Variants in CEP112 observed in about 807,000 individuals in gnomAD.
CEP112 encodes centrosomal protein 112.
Under a neutral mutation model 153.0 loss-of-function variants are expected in CEP112, and 127 were observed. The ratio of observed to expected loss-of-function variants is 0.83; its 90% confidence interval spans 0.72 to 0.96. The LOEUF (loss-of-function observed/expected upper bound fraction) is 0.96, where lower values mean the gene tolerates loss of function less well. Among genes scored for constraint, CEP112 ranks in the 40% least tolerant of loss-of-function variants. The pLI is 0.00. For synonymous variants in CEP112, 358 were observed against 374.4 expected (o/e 0.96, Z 0.51); for missense variants, 1,089 against 1,101.2 (o/e 0.99, Z 0.16).
At chr17:66,038,219 G>A (rs1043853753) in intron 12 of CEP112, among the ~76,000 whole-genome samples, 5 of 152,140 alleles carry the variant, frequency 3.3e-5, no homozygotes, top group African/African-American at 9.7e-5. Flanking sequence ...TTTCTCACAT[G>A]CAGATAAGTA....
chr17:65,713,633 A>C (rs963547720), intron 23 of CEP112, among the ~76,000 whole-genome samples: 5 of 151,944 alleles, frequency 3.3e-5, no homozygotes, highest in African/African-American at 1.2e-4. Context: ...GTCGCCCAGG[A>C]TGGAGTGCAG....
At chr17:65,857,162 C>T (rs1212450593) in intron 20 of CEP112, among the ~76,000 whole-genome samples, 1 of 152,090 alleles carries the variant, frequency 6.6e-6, no homozygotes, top group African/African-American at 2.4e-5. Context: ...TCTGGTTGGG[C>T]CAGTAAAGCC....
At chr17:65,862,772 C>A (rs1304412410) in intron 20 of CEP112, among the ~76,000 whole-genome samples, 1 of 152,002 alleles carries the variant, frequency 6.6e-6, no homozygotes, top group East Asian at 1.9e-4. Context: ...AAGAATGCTT[C>A]TAAAAGATAA....
chr17:66,033,553 C>CT (rs570401474), intron 12 of CEP112, among the ~76,000 whole-genome samples: 17 of 152,150 alleles, frequency 1.1e-4, no homozygotes, highest in Non-Finnish European at 2.4e-4. Context: ...GCCTCAAAGC[C>CT]TTTTCATTTA....
At chr17:65,735,123 T>C (rs1306225720) in intron 23 of CEP112, among the ~76,000 whole-genome samples, 1 of 152,200 alleles carries the variant, frequency 6.6e-6, no homozygotes, top group Non-Finnish European at 1.5e-5. Flanking sequence ...GCTGTCAGGC[T>C]CACAGTGGTG....
chr17:66,144,860 T>C (rs180715669), intron 4 of CEP112, among the ~76,000 whole-genome samples: 4 of 152,344 alleles, frequency 2.6e-5, no homozygotes, highest in Admixed American at 2.6e-4. Flanking sequence ...TGTGGACATA[T>C]GTTTTCATTT....
intron 4 of CEP112, among the ~76,000 whole-genome samples, chr17:66,164,854 C>CA (rs201821806): frequency 9.0e-5 from 13 of 145,016 alleles, no homozygotes; most frequent in South Asian, 2.2e-4. Flanking sequence ...AACTCCATCT[C>CA]AAAAAAAATA....
chr17:65,779,330 T>C (rs926438367), intron 21 of CEP112, among the ~76,000 whole-genome samples: 4 of 152,188 alleles, frequency 2.6e-5, no homozygotes, highest in African/African-American at 7.2e-5. Flanking sequence ...AAGCCCCTTC[T>C]TGAAAAGAGT....
At chr17:66,108,948 A>G (rs2068899389) in intron 6 of CEP112, among the ~76,000 whole-genome samples, 2 of 152,158 alleles carry the variant, frequency 1.3e-5, no homozygotes, top group South Asian at 4.1e-4. Context: ...AAAGAATGAG[A>G]TCCTGTCATT....
At chr17:66,152,712 G>C (rs958655803) in intron 4 of CEP112, among the ~76,000 whole-genome samples, 1 of 152,078 alleles carries the variant, frequency 6.6e-6, no homozygotes, top group Non-Finnish European at 1.5e-5. Flanking sequence ...TCAAACAAGA[G>C]GGCCTCTACA....
At chr17:65,822,146 TAC>T (rs2056621061) in intron 21 of CEP112, among the ~76,000 whole-genome samples, 1 of 152,026 alleles carries the variant, frequency 6.6e-6, no homozygotes, top group Non-Finnish European at 1.5e-5. Context: ...TAATGTAGTA[TAC>T]TACATCCTAC....
At chr17:65,746,253 A>C (rs1411477950) in intron 22 of CEP112, among the ~76,000 whole-genome samples, 6 of 151,902 alleles carry the variant, frequency 3.9e-5, no homozygotes, top group Non-Finnish European at 8.8e-5. Flanking sequence ...ATGTTCTAAG[A>C]AGGACGTGCT....
intron 4 of CEP112, among the ~76,000 whole-genome samples, chr17:66,155,692 A>G (rs1443021040): frequency 2.0e-5 from 3 of 152,140 alleles, no homozygotes; most frequent in Non-Finnish European, 4.4e-5. Context: ...TCGACCTGGG[A>G]TGCTTGAGCT....
intron 24 of CEP112, among the ~76,000 whole-genome samples, chr17:65,675,262 A>AT (rs1399502477): frequency 2.0e-5 from 3 of 152,224 alleles, no homozygotes; most frequent in Non-Finnish European, 4.4e-5. Flanking sequence ...TAAAAAAAGT[A>AT]TATCTATAAT....
At position 66,175,080 on chromosome 17, in the gene CEP112, T is replaced by C. The variant is rs764386570; in HGVS notation, c.434A>G (p.Asp145Gly). Residue 145 changes from aspartate (D) to glycine (G), a missense_variant, in exon 4 of 27, where the codon GAT (aspartate) becomes GGT (glycine). Coordinates refer to ENST00000535342, the MANE Select transcript of CEP112 (RefSeq NM_001199165.4). The part of the protein sequence containing the change: ...NESWKLSSGE[D>G]NTLVQSPTDV... The stretch of plus-strand genomic sequence containing the variant: ...AGTTGGCGACTGTACTAAAGTGTTA[T>C]CTTCTCCAGAAGAGAGTTTCCATGA... 3.2e-5 allele frequency: 51 copies of C among 1,612,424 alleles called. No homozygotes were observed. Among genetic ancestry groups the C allele is most frequent in the Non-Finnish European group, 4.0e-5 (47 of 1,179,290 alleles).
At chr17:65,690,833 T>C (rs1365751141) in intron 23 of CEP112, among the ~76,000 whole-genome samples, 1 of 152,160 alleles carries the variant, frequency 6.6e-6, no homozygotes, top group Admixed American at 6.5e-5. Context: ...ACGTGGAGTC[T>C]TGCAGGTCAA....
At chr17:66,177,833 C>G (rs1008485793) in intron 2 of CEP112, among the ~76,000 whole-genome samples, 1 of 152,166 alleles carries the variant, frequency 6.6e-6, no homozygotes, top group Non-Finnish European at 1.5e-5. Flanking sequence ...CTGTGCCCAG[C>G]TTATTTCACT....
At chr17:66,150,212 T>TC (rs1392971198) in intron 4 of CEP112, among the ~76,000 whole-genome samples, 1 of 150,164 alleles carries the variant, frequency 6.7e-6, no homozygotes, top group African/African-American at 2.5e-5. Context: ...TTTTTTTTTT[T>TC]TTTAAGATGG....
At chr17:66,036,229 G>A (rs1438780829) in intron 12 of CEP112, among the ~76,000 whole-genome samples, 1 of 152,140 alleles carries the variant, frequency 6.6e-6, no homozygotes, top group Non-Finnish European at 1.5e-5. Context: ...AATGGAAGTT[G>A]CTACTCAATG....
Sources: allele counts gnomAD v4.1 joint callset (sites outside exome capture counted in the v4.1 genomes callset), GRCh38; gene constraint gnomAD v4.1.1; transcripts MANE v1.5; gene names NCBI Gene and HGNC (gene_info 2026-07-23, HGNC 2026-07-21).